STAT4: variants seen among roughly 807,000 people sequenced by gnomAD.
STAT4 encodes the protein signal transducer and activator of transcription 4.
In STAT4, 42 loss-of-function variants were observed where a neutral mutation model predicts 110.5. That is an observed-to-expected ratio of 0.38 (90% CI 0.30 to 0.49). STAT4 has a LOEUF of 0.49. Among genes scored for constraint, STAT4 ranks in the 20% least tolerant of loss-of-function variants. The pLI, the probability that STAT4 is intolerant of heterozygous loss-of-function variation, is 0.95. For missense variants in STAT4, 632 were observed against 887.9 expected (o/e 0.71, Z 3.66); for synonymous variants, 284 against 302.2 (o/e 0.94, Z 0.63).
chr2:191,114,271 A>G (rs1257752953), intron 3 of STAT4, among the ~76,000 whole-genome samples: 1 of 152,240 alleles, frequency 6.6e-6, no homozygotes, highest in Non-Finnish European at 1.5e-5. Flanking sequence ...TAATGAGACC[A>G]TAAATCAATA....
chr2:191,069,763 T>C lies in STAT4; in HGVS notation c.474A>G (p.Glu158=). 6.2e-7 allele frequency: 1 copy of C among 1,607,856 alleles called. No homozygotes were observed. The highest frequency in any genetic ancestry group is 8.5e-7 in the Non-Finnish European group (1 of 1,177,676). ...AAIKNSVQMT[E]QDTKYLEDLQ... is the part of the protein sequence containing the mutation. ...GATCTTCTAAGTATTTGGTATCTTGTTCTGTCATCTTTTCACAAAAGAAAA... is the reference window on the plus strand; with the variant it reads ...GATCTTCTAAGTATTTGGTATCTTGCTCTGTCATCTTTTCACAAAAGAAAA... The change falls in exon 6 of 24, where the codon GAA becomes GAG. Residue 158 remains glutamate (E), a synonymous_variant. Transcript: ENST00000392320.
In STAT4 at chr2:191,090,447, A is replaced by G. The variant is rs753447206; in HGVS notation, c.274-14122T>C. Among the ~76,000 whole-genome samples the G allele has an allele frequency of 4.1e-5, 6 of 147,426 alleles. No individual in the cohort carries two copies. Among genetic ancestry groups the G allele is most frequent in the Non-Finnish European group, 6.0e-5 (4 of 66,364 alleles). ...GGCTGTTGATGGATCTAAATTAACA[A>G]TGCTCTGTTATTATTTATAATAATA... On this transcript the variant is annotated intron_variant, in intron 3 of 23. Coordinates refer to ENST00000392320, the MANE Select transcript of STAT4 (RefSeq NM_003151.4). The surrounding 1 kb of genome is among the most constrained non-coding windows in gnomAD (Gnocchi z 4.2).
In STAT4 at chr2:191,104,561, G is replaced by C. The variant is rs1698226256; in HGVS notation, c.274-28236C>G. On this transcript the variant is annotated intron_variant, in intron 3 of 23. Coordinates refer to ENST00000392320, the MANE Select transcript of STAT4 (RefSeq NM_003151.4). This position sits in a 1 kb window ranked among gnomAD's most constrained non-coding sequence, Gnocchi z 4.3. ...CCAGAAAACTGCCATAGAAGTCTTT[G>C]AAGCTGAAATAAAATTGTCAACTTT... Among the ~76,000 whole-genome samples, 1 of 152,078 alleles carries C rather than the reference G, an allele frequency of 6.6e-6. No individual in the cohort carries two copies. The highest frequency in any genetic ancestry group is 2.4e-5 in the African/African-American group (1 of 41,418).
chr2:191,094,682 C>A (rs890872072), intron 3 of STAT4, among the ~76,000 whole-genome samples: 1 of 152,074 alleles, frequency 6.6e-6, no homozygotes, highest in African/African-American at 2.4e-5. Flanking sequence ...ACTGCATCAA[C>A]TAATGGGCAA....
intron 3 of STAT4, among the ~76,000 whole-genome samples, chr2:191,124,915 T>C (rs1467812371): frequency 6.6e-6 from 1 of 152,232 alleles, no homozygotes; most frequent in African/African-American, 2.4e-5. Flanking sequence ...CAGGTCTCCA[T>C]GCCTCCAGTT....
chr2:191,082,463 C>G lies in STAT4; in HGVS notation c.274-6138G>C, dbSNP rs1215710495. 1.3e-5 allele frequency among the ~76,000 whole-genome samples: 2 copies of G among 152,222 alleles called. No individual in the cohort carries two copies. The highest frequency in any genetic ancestry group is 4.8e-5 in the African/African-American group (2 of 41,456). On this transcript the variant is annotated intron_variant, in intron 3 of 23. Transcript: ENST00000392320. The surrounding 1 kb of genome is among the most constrained non-coding windows in gnomAD (Gnocchi z 4.7). ...TGACAACAACATGATAGCTTTGACCCAGTTTCACATCACAGGCAATGACAA... is the reference window on the plus strand; with the variant it reads ...TGACAACAACATGATAGCTTTGACCGAGTTTCACATCACAGGCAATGACAA...
chr2:191,085,826 A>G (rs1432097592), intron 3 of STAT4, among the ~76,000 whole-genome samples: 1 of 152,216 alleles, frequency 6.6e-6, no homozygotes, highest in Non-Finnish European at 1.5e-5. Context: ...AGTTAATTGC[A>G]TGGACTGAAC....
In STAT4 at chr2:191,033,267, C is replaced by A; in HGVS notation, c.1853-118G>T. The A allele has an allele frequency of 8.3e-7, 1 of 1,197,622 alleles. No individual in the cohort carries two copies. The highest frequency in any genetic ancestry group is 1.2e-6 in the Non-Finnish European group (1 of 860,152). The allele number at this position is 1,197,622 out of a possible 1,614,324, so 74.2% of individuals were successfully genotyped here. ...AGTGACTTGTCAGTTCATGTCACTT[C>A]AATGTCAGACCTTCTGCTGTCTGGA... is the stretch of plus-strand genomic sequence containing the variant. On this transcript the variant is annotated intron_variant, in intron 20 of 23. Coordinates refer to ENST00000392320, the MANE Select transcript of STAT4 (RefSeq NM_003151.4). This position sits in a 1 kb window ranked among gnomAD's most constrained non-coding sequence, Gnocchi z 6.9.
At position 191,138,714 on chromosome 2, in the gene STAT4, T is replaced by C. The variant is rs1460545176; in HGVS notation, c.273+7899A>G. Among the ~76,000 whole-genome samples, 6 of 152,102 alleles carry C rather than the reference T, an allele frequency of 3.9e-5. No individual in the cohort carries two copies. Among genetic ancestry groups the C allele is most frequent in the Non-Finnish European group, 8.8e-5 (6 of 68,004 alleles). ...TTGGTACCAGTCCCACTGAAACTAT[T>C]GCAAAAGATAGTGAAAGAGGGAATT... On this transcript the variant is annotated intron_variant, in intron 3 of 23. Transcript: ENST00000392320. This position sits in a 1 kb window ranked among gnomAD's most constrained non-coding sequence, Gnocchi z 4.3.
chr2:191,079,304 G>A lies in STAT4; in HGVS notation c.274-2979C>T, dbSNP rs115773676. ...ACACTAAATCTTTAGGTAAAATTTA[G>A]GGAGACTTGGCATCTTTATACTTGT... On this transcript the variant is annotated intron_variant, in intron 3 of 23. Coordinates refer to ENST00000392320, the MANE Select transcript of STAT4 (RefSeq NM_003151.4). Among the ~76,000 whole-genome samples the A allele has an allele frequency of 7.6e-3, 1,125 of 147,430 alleles. 16 individuals are homozygous for A. Among genetic ancestry groups the A allele is most frequent in the African/African-American group, 0.027 (1,087 of 39,536 alleles).
chr2:191,056,618 G>A (rs930811358), intron 13 of STAT4, among the ~76,000 whole-genome samples: 9 of 152,008 alleles, frequency 5.9e-5, no homozygotes, highest in Admixed American at 5.2e-4. Flanking sequence ...ACATATTTTT[G>A]TGGTACATGT....
In STAT4 at chr2:191,135,634, T is replaced by C. The variant is rs1372398810; in HGVS notation, c.273+10979A>G. On this transcript the variant is annotated intron_variant, in intron 3 of 23. Transcript: ENST00000392320. This position sits in a 1 kb window ranked among gnomAD's most constrained non-coding sequence, Gnocchi z 4.8. ...GGTGATCACCACCACGCCCAGCTAA[T>C]TTTTTGTATTTTTAGTAGAGACAGG... is the stretch of plus-strand genomic sequence containing the variant. Among the ~76,000 whole-genome samples, 2 of 152,208 alleles carry C rather than the reference T, an allele frequency of 1.3e-5. No individual in the cohort carries two copies. The highest frequency in any genetic ancestry group is 2.1e-4 in the South Asian group (1 of 4,832).
At chr2:191,108,442 C>T (rs140841796) in intron 3 of STAT4, among the ~76,000 whole-genome samples, 2 of 152,276 alleles carry the variant, frequency 1.3e-5, no homozygotes, top group East Asian at 3.9e-4. Context: ...AAAACAGATT[C>T]TTTCACTTGC....
chr2:191,045,359 A>AT (rs1696319466), intron 14 of STAT4, among the ~76,000 whole-genome samples: 2 of 152,238 alleles, frequency 1.3e-5, no homozygotes, highest in Non-Finnish European at 2.9e-5. Flanking sequence ...CAGACTCTGC[A>AT]TTTTAACAAG....
rs1333279241 is a variant in STAT4 at position 191,042,474 on chromosome 2, CAACT to C, written c.1252-1330_1252-1327del. Among the ~76,000 whole-genome samples the C allele has an allele frequency of 1.3e-5, 2 of 152,074 alleles. No individual in the cohort carries two copies. The highest frequency in any genetic ancestry group is 2.4e-5 in the African/African-American group (1 of 41,404). ...TGCTTAGATACTGATTTGAACAAAC[CAACT>C]GTCAAATGGCCTTTTTTGAGACAAT... is the stretch of plus-strand genomic sequence containing the variant. On this transcript the variant is annotated intron_variant, in intron 14 of 23. Transcript: ENST00000392320. This position sits in a 1 kb window ranked among gnomAD's most constrained non-coding sequence, Gnocchi z 4.2.
Position 191,053,245 on chromosome 2 carries a change from A to G in STAT4, c.1251+1245T>C, listed in dbSNP as rs758371004. 3.5e-4 allele frequency among the ~76,000 whole-genome samples: 53 copies of G among 152,266 alleles called. No homozygotes were observed. Among genetic ancestry groups the G allele is most frequent in the African/African-American group, 1.3e-3 (53 of 41,544 alleles). ...TCCATATGAACCACCCCAGAAATAA[A>G]CCTCACTGCTTCAAAACTGCATCAC... On this transcript the variant is annotated intron_variant, in intron 14 of 23. Coordinates refer to ENST00000392320, the MANE Select transcript of STAT4 (RefSeq NM_003151.4). The surrounding 1 kb of genome is among the most constrained non-coding windows in gnomAD (Gnocchi z 4.5).
intron 3 of STAT4, among the ~76,000 whole-genome samples, chr2:191,120,916 CA>C (rs1698707404): frequency 6.6e-6 from 1 of 152,196 alleles, no homozygotes; most frequent in African/African-American, 2.4e-5. Context: ...CCAAAATTGA[CA>C]AATGGGATCT....
At chr2:191,101,110 T>C (rs1331449292) in intron 3 of STAT4, among the ~76,000 whole-genome samples, 3 of 152,150 alleles carry the variant, frequency 2.0e-5, no homozygotes, top group Non-Finnish European at 4.4e-5. Flanking sequence ...TCATAATCAT[T>C]AAATAAAGGT....
At chr2:191,125,266 C>G (rs1484953592) in intron 3 of STAT4, among the ~76,000 whole-genome samples, 1 of 151,976 alleles carries the variant, frequency 6.6e-6, no homozygotes, top group Non-Finnish European at 1.5e-5. Flanking sequence ...CAGGCAGGTT[C>G]TTGATGTCAC....
Sources: allele counts gnomAD v4.1 joint callset (sites outside exome capture counted in the v4.1 genomes callset), GRCh38; gene constraint gnomAD v4.1.1; non-coding constraint Gnocchi (gnomAD v3.1); transcripts MANE v1.5; gene names NCBI Gene and HGNC (gene_info 2026-07-23, HGNC 2026-07-21).